Variants in ASCC2 observed in about 807,000 individuals in gnomAD.
ASCC2 encodes activating signal cointegrator 1 complex subunit 2.
ASCC2 carries 42 observed loss-of-function variants against 93.5 expected under a neutral mutation model. The observed-to-expected ratio is 0.45, with a 90% CI of 0.35 to 0.58. ASCC2 has a LOEUF of 0.58. Ranked by LOEUF, ASCC2 falls within the 20% of genes least tolerant of loss-of-function variation. The pLI is 0.00. For missense variants in ASCC2, 859 were observed against 977.6 expected (o/e 0.88, Z 1.62); for synonymous variants, 364 against 384.2 (o/e 0.95, Z 0.62).
intron 1 of ASCC2, among the ~76,000 whole-genome samples, chr22:29,834,974 ATGGCTG>A (rs968021109): frequency 6.6e-6 from 1 of 152,140 alleles, no homozygotes; most frequent in Non-Finnish European, 1.5e-5. Context: ...CCCGCTGAAG[ATGGCTG>A]TGGGAGTGTT....
chr22:29,790,350 G>T, intron 19 of ASCC2, 119 bp downstream of exon 19: 1 of 979,456 alleles, frequency 1.0e-6, no homozygotes, highest in South Asian at 1.5e-5. Flanking sequence ...CTGGGTTGTC[G>T]TGAGAACTAA....
Position 29,801,031 on chromosome 22 carries a change from T to C in ASCC2, c.1648A>G (p.Arg550Gly), listed in dbSNP as rs2059015985. ...FQNDEFDVFS[R>G]DSVDLSRVHK... The stretch of plus-strand genomic sequence containing the variant: ...ACCCGGCTCAGGTCTACTGAGTCCC[T>C]GCTGAACACATCAAACTCGTCATTC... Residue 550 changes from arginine to glycine, a missense_variant, in exon 15 of 20, where the codon AGG becomes GGG. Physicochemically the swap from Arg to Gly is moderately radical, Grantham distance 125 (BLOSUM62 -2). Transcript: ENST00000307790. 6 of 1,609,234 alleles carry C rather than the reference T, an allele frequency of 3.7e-6. No individual in the cohort carries two copies. Among genetic ancestry groups the C allele is most frequent in the Non-Finnish European group, 5.1e-6 (6 of 1,176,206 alleles).
chr22:29,816,016 G>T lies in ASCC2; in HGVS notation c.599C>A (p.Thr200Asn). ...YYSDLDETLP[T>N]ILQVFSNILQ... ...GCCAAGAGCTGGTACCTGAAGGATG[G>T]TAGGCAGGGTTTCATCCAGGTCACT... The change falls in exon 6 of 20, where the codon ACC becomes AAC. Residue 200 changes from threonine to asparagine, a missense_variant. By Grantham distance (65) the Thr-to-Asn change is moderately conservative. Transcript: ENST00000307790. 6.3e-7 allele frequency: 1 copy of T among 1,593,906 alleles called. No homozygotes were observed. The highest frequency in any genetic ancestry group is 8.6e-7 in the Non-Finnish European group (1 of 1,169,304).
chr22:29,793,146 T>C (rs1472019173), intron 17 of ASCC2, among the ~76,000 whole-genome samples: 2 of 152,116 alleles, frequency 1.3e-5, no homozygotes, highest in East Asian at 3.9e-4. Context: ...AGTGAAACTC[T>C]GTCTCAAAAA....
intron 8 of ASCC2, among the ~76,000 whole-genome samples, chr22:29,809,047 G>A (rs1035658073): frequency 6.6e-6 from 1 of 151,038 alleles, no homozygotes; most frequent in Admixed American, 6.6e-5. Context: ...TTGAACCTGG[G>A]AGGTGGAGGT....
At chr22:29,836,015 G>A (rs1054271130) in intron 1 of ASCC2, among the ~76,000 whole-genome samples, 12 of 151,972 alleles carry the variant, frequency 7.9e-5, no homozygotes, top group African/African-American at 2.9e-4. Context: ...TGTGGCTTTG[G>A]GTCGGGTGAG....
chr22:29,837,953 G>A (rs908843076), intron 1 of ASCC2, among the ~76,000 whole-genome samples: 1 of 152,248 alleles, frequency 6.6e-6, no homozygotes, highest in Non-Finnish European at 1.5e-5. Flanking sequence ...AGGACGTGGG[G>A]GGATCGTGGC....
intron 6 of ASCC2, chr22:29,815,113 G>A (rs1369016523): frequency 4.4e-6 from 1 of 226,142 alleles, no homozygotes; most frequent in Non-Finnish European, 8.7e-6. Flanking sequence ...TGGGCAACAT[G>A]GTGAGACCCC....
chr22:29,824,688 G>A (rs1211175356), intron 4 of ASCC2, among the ~76,000 whole-genome samples: 1 of 151,866 alleles, frequency 6.6e-6, no homozygotes, highest in Non-Finnish European at 1.5e-5. Flanking sequence ...GGTGACATTC[G>A]TATTTCCGCA....
At chr22:29,800,933 T>C in intron 15 of ASCC2, 58 bp downstream of exon 15, 1 of 1,529,160 alleles carries the variant, frequency 6.5e-7, no homozygotes, top group South Asian at 1.2e-5. Flanking sequence ...GGTTTCCCTG[T>C]GTCCTCTCTG....
At position 29,793,402 on chromosome 22, in the gene ASCC2, C is replaced by T. The variant is rs753189799; in HGVS notation, c.1877G>A (p.Gly626Asp). ...YDDTYDGNQV[G>D]ANDADSDDEL... Reference sequence around the variant, plus strand: ...GTCATCAGAGTCTGCATCATTGGCGCCCACCTGGTTGCCATCGTATGTGTC... The same window carrying T: ...GTCATCAGAGTCTGCATCATTGGCGTCCACCTGGTTGCCATCGTATGTGTC... The change falls in exon 17 of 20, where the codon GGC becomes GAC. Residue 626 changes from glycine (G) to aspartate (D), a missense_variant. By Grantham distance (94) the Gly-to-Asp change is moderately conservative. Transcript: ENST00000307790. 3.1e-6 allele frequency: 5 copies of T among 1,613,910 alleles called. No individual in the cohort carries two copies. Among genetic ancestry groups the T allele is most frequent in the Non-Finnish European group, 4.2e-6 (5 of 1,180,046 alleles).
At position 29,801,998 on chromosome 22, in the gene ASCC2, C is replaced by T; in HGVS notation, c.1564G>A (p.Asp522Asn). 2 of 1,588,368 alleles carry T rather than the reference C, an allele frequency of 1.3e-6. No individual in the cohort carries two copies. Among genetic ancestry groups the T allele is most frequent in the East Asian group, 2.3e-5 (1 of 43,756 alleles). Residue 522 changes from aspartate (D) to asparagine (N), a missense_variant, in exon 14 of 20, where the codon GAC (aspartate) becomes AAC (asparagine). Physicochemically the swap from Asp to Asn is conservative, Grantham distance 23. Coordinates refer to ENST00000307790, the MANE Select transcript of ASCC2 (RefSeq NM_032204.5). Reference sequence around the variant, plus strand: ...CCTCCCACCTGTCTCTCCCACCTGTCTAGGTTGCGGTCCAGCTGGCTGAGG... The same window carrying T: ...CCTCCCACCTGTCTCTCCCACCTGTTTAGGTTGCGGTCCAGCTGGCTGAGG... Reference protein sequence around the residue: ...PTLSQLDRNLDREMKPDPTPL... With the variant: ...PTLSQLDRNLNREMKPDPTPL...
chr22:29,804,699 G>A lies in ASCC2; in HGVS notation c.1292C>T (p.Thr431Met), dbSNP rs760090393. 131 of 1,613,888 alleles carry A rather than the reference G, an allele frequency of 8.1e-5. No individual in the cohort carries two copies. Among genetic ancestry groups the A allele is most frequent in the Non-Finnish European group, 2.9e-5 (34 of 1,180,008 alleles). ...TTGACTGACTGCCTCTGCTGTCACCGTGACCCCGTTAGGCTCCCCATTAGG... is the reference window on the plus strand; with the variant it reads ...TTGACTGACTGCCTCTGCTGTCACCATGACCCCGTTAGGCTCCCCATTAGG... ...EEPNGEPNGV[T>M]VTAEAVSQAS... Residue 431 changes from threonine (T) to methionine (M), a missense_variant, in exon 13 of 20, where the codon ACG becomes ATG. Coordinates refer to ENST00000307790, the MANE Select transcript of ASCC2 (RefSeq NM_032204.5).
chr22:29,804,850 G>A lies in ASCC2; in HGVS notation c.1161-20C>T, dbSNP rs1356091329. ...TCGTCCCTGTGAGGACTTGTTAAGG[G>A]GTCTGTCTTAAGCTCCTAGCTCTGA... On this transcript the variant is annotated intron_variant, in intron 12 of 19. Transcript: ENST00000307790. 1.3e-5 allele frequency: 21 copies of A among 1,612,104 alleles called. No individual in the cohort carries two copies. The highest frequency in any genetic ancestry group is 1.7e-5 in the Non-Finnish European group (20 of 1,178,556).
At position 29,804,866 on chromosome 22, in the gene ASCC2, C is replaced by G. The variant is rs367897213; in HGVS notation, c.1161-36G>C. 7.5e-6 allele frequency: 12 copies of G among 1,598,266 alleles called. No homozygotes were observed. The African/African-American group carries it at 1.3e-4, about 18-fold the overall frequency. On this transcript the variant is annotated intron_variant, in intron 12 of 19. Coordinates refer to ENST00000307790, the MANE Select transcript of ASCC2 (RefSeq NM_032204.5). ...TTGTTAAGGGGTCTGTCTTAAGCTC[C>G]TAGCTCTGAAGCAGCATAATTTCTC...
chr22:29,799,901 C>A (rs1329928409), intron 15 of ASCC2, among the ~76,000 whole-genome samples: 1 of 152,194 alleles, frequency 6.6e-6, no homozygotes, highest in East Asian at 1.9e-4. Flanking sequence ...GATCTTACTG[C>A]CTCAGCCTCC....
chr22:29,816,528 G>C (rs1409189004), intron 5 of ASCC2: 1 of 153,120 alleles, frequency 6.5e-6, no homozygotes, highest in Admixed American at 6.5e-5. Flanking sequence ...AATATGAGGA[G>C]ATTCCAGGGA....
chr22:29,806,132 C>T, intron 12 of ASCC2, 84 bp downstream of exon 12: 3 of 1,462,486 alleles, frequency 2.1e-6, no homozygotes, highest in Non-Finnish European at 2.9e-6. Context: ...AACCTCTTTC[C>T]ACTCCTCTGG....
chr22:29,800,930 C>G, intron 15 of ASCC2, 61 bp downstream of exon 15: 1 of 1,525,802 alleles, frequency 6.6e-7, no homozygotes, highest in Non-Finnish European at 8.9e-7. Flanking sequence ...CTTGGTTTCC[C>G]TGTGTCCTCT....
Sources: gnomAD v4.1 joint callset for allele counts (sites outside exome capture counted in the v4.1 genomes callset) on GRCh38, gnomAD v4.1.1 for gene constraint, MANE v1.5 for transcripts, NCBI Gene and HGNC (gene_info 2026-07-23, HGNC 2026-07-21) for gene names.